EYS: variants seen among roughly 807,000 people sequenced by gnomAD.
The protein encoded by EYS is protein eyes shut homolog.
A neutral mutation model predicts 282.1 loss-of-function variants in EYS; 250 were observed. The ratio of observed to expected loss-of-function variants is 0.89; its 90% CI spans 0.80 to 0.98. The LOEUF (loss-of-function observed/expected upper bound fraction) is 0.98, where lower values mean the gene tolerates loss of function less well. Among genes scored for constraint, EYS ranks in the 50% least tolerant of loss-of-function variants. EYS has a pLI of 0.00. For synonymous variants in EYS, 1,355 were observed against 1,282.9 expected (o/e 1.06, Z -1.20); for missense variants, 4,016 against 3,709.0 (o/e 1.08, Z -2.15).
At chr6:65,066,564 A>G (rs966556207) in intron 12 of EYS, among the ~76,000 whole-genome samples, 2 of 152,208 alleles carry the variant, frequency 1.3e-5, no homozygotes, top group African/African-American at 4.8e-5. Context: ...AGTAGACTTT[A>G]TATCACAGAG....
intron 30 of EYS, among the ~76,000 whole-genome samples, chr6:64,291,497 T>C (rs1768706462): frequency 6.6e-6 from 1 of 152,106 alleles, no homozygotes; most frequent in Non-Finnish European, 1.5e-5. Flanking sequence ...AAAACATAAA[T>C]ATTGATAGCT....
At chr6:64,868,906 T>C (rs1197488660) in intron 19 of EYS, among the ~76,000 whole-genome samples, 1 of 151,534 alleles carries the variant, frequency 6.6e-6, no homozygotes, top group African/African-American at 2.4e-5. Flanking sequence ...CTCAGTGTTC[T>C]TTCCCTTTTG....
intron 12 of EYS, among the ~76,000 whole-genome samples, chr6:65,250,562 A>G (rs1240979578): frequency 6.6e-6 from 1 of 151,986 alleles, no homozygotes; most frequent in African/African-American, 2.4e-5. Flanking sequence ...CAAGGTCACC[A>G]CTAAATTAAA....
At chr6:65,106,758 T>C (rs1031529841) in intron 12 of EYS, among the ~76,000 whole-genome samples, 2 of 152,086 alleles carry the variant, frequency 1.3e-5, no homozygotes, top group Non-Finnish European at 2.9e-5. Context: ...CTTTCAGTCT[T>C]TCAAATAGAC....
At chr6:65,168,063 A>G (rs1312395633) in intron 12 of EYS, among the ~76,000 whole-genome samples, 1 of 144,518 alleles carries the variant, frequency 6.9e-6, no homozygotes, top group South Asian at 2.1e-4. Flanking sequence ...GGACTGCTGT[A>G]TTCTCTATTT....
chr6:64,587,207 C>A (rs1179230787), intron 26 of EYS, among the ~76,000 whole-genome samples: 2 of 151,800 alleles, frequency 1.3e-5, no homozygotes, highest in Admixed American at 1.3e-4. Flanking sequence ...TCTAGTGGTC[C>A]AATACAAAGT....
At chr6:65,314,986 T>G (rs182994415) in intron 11 of EYS, among the ~76,000 whole-genome samples, 1 of 152,100 alleles carries the variant, frequency 6.6e-6, no homozygotes, top group Non-Finnish European at 1.5e-5. Context: ...TGCTTGATAG[T>G]TATGGAATTT....
At chr6:64,414,912 A>G (rs1260074669) in intron 28 of EYS, among the ~76,000 whole-genome samples, 1 of 152,200 alleles carries the variant, frequency 6.6e-6, no homozygotes, top group Non-Finnish European at 1.5e-5. Context: ...TGGAAGTATG[A>G]ATATTGAGAT....
chr6:64,654,133 T>G (rs2149880774), intron 22 of EYS, among the ~76,000 whole-genome samples: 1 of 152,316 alleles, frequency 6.6e-6, no homozygotes, highest in African/African-American at 2.4e-5. Context: ...ATTGAAATAT[T>G]AGAAACAGAC....
chr6:65,197,853 A>C (rs1015278751), intron 12 of EYS, among the ~76,000 whole-genome samples: 2 of 152,116 alleles, frequency 1.3e-5, no homozygotes, highest in African/African-American at 4.8e-5. Flanking sequence ...TCACTGAGTG[A>C]GTGGTGAGTA....
At chr6:64,971,468 A>C (rs957177560) in intron 14 of EYS, among the ~76,000 whole-genome samples, 1 of 151,942 alleles carries the variant, frequency 6.6e-6, no homozygotes, top group South Asian at 2.1e-4. Flanking sequence ...GTTTGAAGGG[A>C]AAAAAAATAA....
chr6:64,270,676 A>G (rs1410260691), intron 30 of EYS, among the ~76,000 whole-genome samples: 2 of 152,198 alleles, frequency 1.3e-5, no homozygotes, highest in Non-Finnish European at 2.9e-5. Context: ...AGCATATGCA[A>G]CATTTGTTTA....
chr6:63,861,975 A>G (rs1772546384), intron 36 of EYS, among the ~76,000 whole-genome samples: 1 of 152,222 alleles, frequency 6.6e-6, no homozygotes, highest in Admixed American at 6.5e-5. Flanking sequence ...CACCAGCTAC[A>G]GCAGTATCTT....
At chr6:64,530,916 T>G (rs563652515) in intron 26 of EYS, among the ~76,000 whole-genome samples, 1 of 152,324 alleles carries the variant, frequency 6.6e-6, no homozygotes, top group Admixed American at 6.5e-5. Context: ...AAATTTATTC[T>G]ACTTATATTC....
In EYS at chr6:64,453,557, T is replaced by C. The variant is rs540391111; in HGVS notation, c.5645-14205A>G. 3.4e-4 allele frequency among the ~76,000 whole-genome samples: 52 copies of C among 152,280 alleles called. No homozygotes were observed. The South Asian group carries it at 9.9e-3, about 29-fold the overall frequency. Reference sequence around the variant, plus strand: ...ATGCTGCTATAAAGACACATGCACATGTATGTTTACTGCGGCACTATTCAC... The same window carrying C: ...ATGCTGCTATAAAGACACATGCACACGTATGTTTACTGCGGCACTATTCAC... On this transcript the variant is annotated intron_variant, in intron 26 of 42. Coordinates refer to ENST00000503581, the MANE Select transcript of EYS (RefSeq NM_001142800.2).
At chr6:64,754,735 T>C (rs1772877528) in intron 22 of EYS, among the ~76,000 whole-genome samples, 1 of 152,124 alleles carries the variant, frequency 6.6e-6, no homozygotes, top group Admixed American at 6.5e-5. Flanking sequence ...AAGCATCTGA[T>C]GAAATTCAGA....
At chr6:63,851,411 C>A (rs770953227) in intron 36 of EYS, among the ~76,000 whole-genome samples, 2 of 152,118 alleles carry the variant, frequency 1.3e-5, no homozygotes, top group South Asian at 4.1e-4. Context: ...AAAATTGACA[C>A]ATAATTGGAA....
intron 33 of EYS, among the ~76,000 whole-genome samples, chr6:64,014,131 GA>G (rs1042924893): frequency 8.6e-5 from 13 of 151,884 alleles, no homozygotes; most frequent in African/African-American, 2.9e-4. Context: ...TATTTTGAAA[GA>G]AAGAAGTTTT....
chr6:65,381,427 G>A (rs1765606303), intron 8 of EYS, among the ~76,000 whole-genome samples: 1 of 151,980 alleles, frequency 6.6e-6, no homozygotes, highest in African/African-American at 2.4e-5. Flanking sequence ...GTGAACACAT[G>A]GAGATAGGGA....
Sources: gnomAD v4.1 joint callset for allele counts (sites outside exome capture counted in the v4.1 genomes callset) on GRCh38, gnomAD v4.1.1 for gene constraint, MANE v1.5 for transcripts, NCBI Gene and HGNC (gene_info 2026-07-23, HGNC 2026-07-21) for gene names.